Variants in CCDC88C observed in about 807,000 individuals in gnomAD.
The protein encoded by CCDC88C is coiled-coil and HOOK domain protein 88C.
A neutral mutation model predicts 198.8 loss-of-function variants in CCDC88C; 131 were observed. That is an observed-to-expected ratio of 0.66 (90% CI 0.57 to 0.76). The LOEUF (loss-of-function observed/expected upper bound fraction) is 0.76, where lower values mean the gene tolerates loss of function less well. Among genes scored for constraint, CCDC88C ranks in the 30% least tolerant of loss-of-function variants. CCDC88C has a pLI of 0.00. For missense variants in CCDC88C, 2,553 were observed against 2,631.6 expected, an observed-to-expected ratio of 0.97 and a Z score of 0.65; for synonymous variants, 1,166 against 1,114.7, an observed-to-expected ratio of 1.05 and a Z score of -0.92.
rs538208183 is a variant in CCDC88C, at chr14:91,393,809, G to A, written c.270+14850C>T. ...ACAGAGGTTGCAGTGAGCCGAGATC[G>A]CACCACTGCACTCCAGCCTGGGCGA... is the stretch of plus-strand genomic sequence containing the variant. On this transcript the variant is annotated intron_variant, in intron 3 of 29. Transcript: ENST00000389857. Among the ~76,000 whole-genome samples the A allele has an allele frequency of 2.6e-5, 4 of 152,242 alleles. No homozygotes were observed. In the South Asian group the frequency reaches 6.2e-4, roughly 24 times the overall value.
At chr14:91,336,721 C>T (rs75646983) in intron 10 of CCDC88C, among the ~76,000 whole-genome samples, 3 of 152,156 alleles carry the variant, frequency 2.0e-5, no homozygotes, top group African/African-American at 4.8e-5. Context: ...AGGTAAGGAG[C>T]CTTAGCATGC....
Position 91,342,616 on chromosome 14 carries a change from C to A in CCDC88C, c.400-153G>T, listed in dbSNP as rs927706339. Among the ~76,000 whole-genome samples the A allele has an allele frequency of 2.0e-5, 3 of 152,258 alleles. No individual in the cohort carries two copies. In the South Asian group the frequency reaches 6.2e-4, roughly 31 times the overall value. ...CGCTCTTGTCCTCCTACCAGCCTTA[C>A]ACTGATGTGTCTCTAGTGGTTGCCA... On this transcript the variant is annotated intron_variant, in intron 5 of 29. Coordinates refer to ENST00000389857, the MANE Select transcript of CCDC88C (RefSeq NM_001080414.4).
intron 4 of CCDC88C, among the ~76,000 whole-genome samples, chr14:91,359,291 C>G (rs933455777): frequency 7.2e-5 from 11 of 151,792 alleles, no homozygotes; most frequent in Admixed American, 3.9e-4. Flanking sequence ...GCTGGGACTA[C>G]CATGCCCAAC....
At chr14:91,289,477 A>G in intron 24 of CCDC88C, 134 bp from the exon 25 acceptor site, 1 of 780,244 alleles carries the variant, frequency 1.3e-6, no homozygotes, top group Middle Eastern at 2.5e-4. Flanking sequence ...GTTCAGGACA[A>G]TGACGCTCAT....
chr14:91,299,795 A>G, intron 21 of CCDC88C, 132 bp downstream of exon 21: 1 of 1,218,862 alleles, frequency 8.2e-7, no homozygotes, highest in Non-Finnish European at 1.1e-6. Context: ...TTACCCACCC[A>G]GCTGTTCACA....
chr14:91,375,886 G>A (rs772711471), intron 3 of CCDC88C, among the ~76,000 whole-genome samples: 39 of 152,334 alleles, frequency 2.6e-4, no homozygotes, highest in African/African-American at 8.2e-4. Flanking sequence ...GGCAGGTGCC[G>A]TAACTGTGCC....
At chr14:91,310,664 T>G (rs1414322948) in intron 15 of CCDC88C, among the ~76,000 whole-genome samples, 1 of 152,170 alleles carries the variant, frequency 6.6e-6, no homozygotes, top group Non-Finnish European at 1.5e-5. Flanking sequence ...TCTACCTTGG[T>G]CTTCCAAAGT....
In CCDC88C at chr14:91,303,901, G is replaced by A. The variant is rs1258565807; in HGVS notation, c.3435C>T (p.Ala1145=). 35 of 1,612,650 alleles carry A rather than the reference G, an allele frequency of 2.2e-5. No homozygotes were observed. The Admixed American group carries it at 5.3e-4, about 25-fold the overall frequency. Residue 1145 remains alanine, a synonymous_variant, in exon 20 of 30, where the codon GCC becomes GCT. Coordinates refer to ENST00000389857, the MANE Select transcript of CCDC88C (RefSeq NM_001080414.4). Reference sequence around the variant, plus strand: ...GCAGGCTTTCGTTCTCCGTCTCCTTGGCCGTGTGGTGGTTCTGCAGCAGCG... The same window carrying A: ...GCAGGCTTTCGTTCTCCGTCTCCTTAGCCGTGTGGTGGTTCTGCAGCAGCG... The part of the protein sequence containing the change: ...QYTLLQNHHT[A]KETENESLQR...
rs570462198 is a variant in CCDC88C at position 91,355,812 on chromosome 14, G to A, written c.340+3830C>T. 3.3e-5 allele frequency among the ~76,000 whole-genome samples: 5 copies of A among 152,182 alleles called. No homozygotes were observed. The East Asian group carries it at 9.7e-4, about 29-fold the overall frequency. ...CTCCCTTTTTTAGGTCAGAGAAAGG[G>A]GACAAATGCGTAGACTCTCAGGGTC... On this transcript the variant is annotated intron_variant, in intron 4 of 29. Coordinates refer to ENST00000389857, the MANE Select transcript of CCDC88C (RefSeq NM_001080414.4).
intron 20 of CCDC88C, 74 bp from the exon 21 acceptor site, chr14:91,300,144 A>T: frequency 3.9e-6 from 6 of 1,541,990 alleles, no homozygotes; most frequent in Non-Finnish European, 4.4e-6. Flanking sequence ...ATCCCAGAGG[A>T]TCTGCGTGCC....
intron 3 of CCDC88C, among the ~76,000 whole-genome samples, chr14:91,374,572 G>A (rs1306015610): frequency 6.6e-6 from 1 of 151,764 alleles, no homozygotes; most frequent in Non-Finnish European, 1.5e-5. Context: ...GTGGACGGGT[G>A]GAACTGGAGA....
rs374215889 is a variant in CCDC88C at position 91,307,059 on chromosome 14, C to A, written c.3174G>T (p.Arg1058=). The A allele has an allele frequency of 2.5e-6, 4 of 1,613,040 alleles. No homozygotes were observed. The highest frequency in any genetic ancestry group is 2.5e-6 in the Non-Finnish European group (3 of 1,179,478). The change falls in exon 18 of 30, where the codon CGG becomes CGT. Residue 1058 remains arginine, a synonymous_variant. Coordinates refer to ENST00000389857, the MANE Select transcript of CCDC88C (RefSeq NM_001080414.4). ...TCACATTCCGCTCCAGCTCGATGGC[C>A]CGGTCCTTCACTCGGAGAAGCTCCA... ...ATMELLRVKD[R]AIELERNNAA...
At chr14:91,303,312 GCTCCAGGCTCCACCTCTC>G (rs577963700) in intron 20 of CCDC88C, among the ~76,000 whole-genome samples, 2,623 of 146,950 alleles carry the variant, frequency 0.018, 27 homozygotes, top group Middle Eastern at 0.045. Flanking sequence ...CCCCACCTCT[GCTCCAGGCTCCACCTCTC>G]CTCCAGGCTC....
intron 13 of CCDC88C, 79 bp downstream of exon 13, chr14:91,321,041 C>T: frequency 7.3e-7 from 1 of 1,369,850 alleles, no homozygotes; most frequent in Non-Finnish European, 9.8e-7. Context: ...CTTGTCTGTG[C>T]TCCAGACAAT....
intron 3 of CCDC88C, among the ~76,000 whole-genome samples, chr14:91,366,713 G>A (rs1411781313): frequency 6.6e-6 from 1 of 152,196 alleles, no homozygotes; most frequent in Non-Finnish European, 1.5e-5. Flanking sequence ...AAGAACAGAT[G>A]GGAGCCAGGA....
intron 3 of CCDC88C, among the ~76,000 whole-genome samples, chr14:91,390,055 G>C (rs1449184358): frequency 6.6e-6 from 1 of 151,592 alleles, no homozygotes; most frequent in Admixed American, 6.6e-5. Flanking sequence ...CTGGGCGACA[G>C]GGTGAGACTC....
chr14:91,293,316 CCAT>C (rs1890773956), intron 23 of CCDC88C, among the ~76,000 whole-genome samples: 1 of 36,640 alleles, frequency 2.7e-5, no homozygotes, highest in African/African-American at 7.5e-5. Flanking sequence ...GCCCACCTTC[CCAT>C]CCTCACCTGC....
At chr14:91,375,162 G>A (rs1016703085) in intron 3 of CCDC88C, among the ~76,000 whole-genome samples, 2 of 152,144 alleles carry the variant, frequency 1.3e-5, no homozygotes, top group African/African-American at 4.8e-5. Flanking sequence ...CGCTCCCCAG[G>A]GCTCTCCCAG....
At chr14:91,385,557 G>A (rs1400322172) in intron 3 of CCDC88C, among the ~76,000 whole-genome samples, 1 of 152,238 alleles carries the variant, frequency 6.6e-6, no homozygotes, top group East Asian at 1.9e-4. Context: ...TTGGAGAAGG[G>A]CCTCAGGTCA....
Sources: allele counts gnomAD v4.1 joint callset (sites outside exome capture counted in the v4.1 genomes callset), GRCh38; gene constraint gnomAD v4.1.1; transcripts MANE v1.5; gene names NCBI Gene and HGNC (gene_info 2026-07-23, HGNC 2026-07-21).